Variants in SLC30A7 observed in about 807,000 individuals in gnomAD.
The protein encoded by SLC30A7 is zinc transporter 7.
SLC30A7 carries 35 observed loss-of-function variants against 46.0 expected under a neutral mutation model. The observed-to-expected ratio is 0.76, with a 90% CI of 0.58 to 1.01. The LOEUF is 1.01. Among genes scored for constraint, SLC30A7 ranks in the 50% least tolerant of loss-of-function variants. The probability of loss-of-function intolerance (pLI) is 0.00; values close to 1 mark genes in which losing one functional copy is unlikely to be tolerated. For synonymous variants in SLC30A7, 147 were observed against 157.8 expected, an observed-to-expected ratio of 0.93 and a Z score of 0.51; for missense variants, 464 against 451.1, an observed-to-expected ratio of 1.03 and a Z score of -0.26.
At chr1:100,905,297 T>A (rs1275681477) in intron 2 of SLC30A7, among the ~76,000 whole-genome samples, 1 of 152,084 alleles carries the variant, frequency 6.6e-6, no homozygotes. Context: ...TTTATTTTTT[T>A]AATTTAATTT....
chr1:100,970,004 T>TA (rs1472646283), intron 10 of SLC30A7, among the ~76,000 whole-genome samples: 1 of 152,236 alleles, frequency 6.6e-6, no homozygotes, highest in East Asian at 1.9e-4. Flanking sequence ...AATTTAAATT[T>TA]AAAAAAAATT....
chr1:100,995,032 T>C, the SLC30A7 span: 23 of 1,013,150 alleles, frequency 2.3e-5, no homozygotes, highest in Admixed American at 9.7e-5. Flanking sequence ...TCTTTAGAAC[T>C]CAGGTCATTT....
chr1:100,983,526 G>A (rs1180393586), downstream of SLC30A7, among the ~76,000 whole-genome samples: 3 of 152,166 alleles, frequency 2.0e-5, no homozygotes, highest in African/African-American at 7.2e-5. Context: ...TGTAGGCAAG[G>A]CAATCAGTTT....
At position 100,952,141 on chromosome 1, in the gene SLC30A7, C is replaced by T. The variant is rs187908032; in HGVS notation, c.843-9687C>T. ...ACACCTTGATTTTAGCCCAATGGAACGTATTTTGGACTTCTGACCTCCAGA... is the reference window on the plus strand; with the variant it reads ...ACACCTTGATTTTAGCCCAATGGAATGTATTTTGGACTTCTGACCTCCAGA... On this transcript the variant is annotated intron_variant, in intron 8 of 10. Coordinates refer to ENST00000357650, the MANE Select transcript of SLC30A7 (RefSeq NM_133496.5). Among the ~76,000 whole-genome samples, 245 of 152,228 alleles carry T rather than the reference C, an allele frequency of 1.6e-3. 1 individual carries two copies. Among genetic ancestry groups the T allele is most frequent in the Middle Eastern group, 6.8e-3 (2 of 292 alleles).
At chr1:100,987,628 C>T in the SLC30A7 span, among the ~76,000 whole-genome samples, 455 of 150,406 alleles carry the variant, frequency 3.0e-3, 8 homozygotes, top group Admixed American at 0.027. Flanking sequence ...ATTCCACCAT[C>T]ATCTAGTTTA....
At chr1:100,992,723 T>G in the SLC30A7 span, 3 of 1,612,842 alleles carry the variant, frequency 1.9e-6, no homozygotes, top group Non-Finnish European at 2.5e-6. Context: ...CCGTGGAGGT[T>G]CATAGATCTT....
At chr1:100,942,359 A>C (rs558750082) in intron 8 of SLC30A7, among the ~76,000 whole-genome samples, 2 of 152,330 alleles carry the variant, frequency 1.3e-5, no homozygotes, top group African/African-American at 4.8e-5. Context: ...AAAAGAACAT[A>C]TCTGTAAAGT....
intron 8 of SLC30A7, among the ~76,000 whole-genome samples, chr1:100,931,774 T>TA (rs550009014): frequency 1.5e-3 from 233 of 152,344 alleles, no homozygotes; most frequent in African/African-American, 5.3e-3. Context: ...TGTTCTGAGA[T>TA]ACCATCTTCC....
At chr1:100,949,098 G>A (rs953819894) in intron 8 of SLC30A7, among the ~76,000 whole-genome samples, 1 of 152,200 alleles carries the variant, frequency 6.6e-6, no homozygotes, top group African/African-American at 2.4e-5. Context: ...TGGAGGAGAA[G>A]AGGCGCTCTG....
In SLC30A7 at chr1:100,896,696, G is replaced by C. The variant is rs116334092; in HGVS notation, c.182+25G>C. On this transcript the variant is annotated intron_variant, in intron 2 of 10. Coordinates refer to ENST00000357650, the MANE Select transcript of SLC30A7 (RefSeq NM_133496.5). ...GGTAACCAAAGGGGAAAATGGTTTG[G>C]GCGGAAGCTGGGTGTGAGGGAGACG... 1,561 of 1,598,384 alleles carry C rather than the reference G, an allele frequency of 9.8e-4. 16 individuals carry two copies. In the African/African-American group the frequency reaches 0.018, roughly 19 times the overall value.
chr1:100,952,730 G>A (rs554884780), intron 8 of SLC30A7, among the ~76,000 whole-genome samples: 1 of 152,274 alleles, frequency 6.6e-6, no homozygotes, highest in African/African-American at 2.4e-5. Context: ...TCATTTAAGA[G>A]GACAAAAGAT....
Position 100,981,316 on chromosome 1 carries a change from G to A in SLC30A7, c.*6459G>A, listed in dbSNP as rs928609099. 1 of 152,042 alleles carries A rather than the reference G, an allele frequency of 6.6e-6. No individual in the cohort carries two copies. Among genetic ancestry groups the A allele is most frequent in the Non-Finnish European group, 1.5e-5 (1 of 67,982 alleles). The allele number at this position is 152,042 out of a possible 1,614,324, so 9.4% of individuals were successfully genotyped here. A position where few individuals can be genotyped will look rare whatever the true frequency, so the allele number is the denominator to read the frequency against. On this transcript the variant is annotated 3_prime_UTR_variant, in exon 11 of 11. Transcript: ENST00000357650. ...CAAGTGATATTTTCCCCCAACTTTTGTGAGTTTGATAAATAGGATGAGTCT... is the reference window on the plus strand; with the variant it reads ...CAAGTGATATTTTCCCCCAACTTTTATGAGTTTGATAAATAGGATGAGTCT...
intron 8 of SLC30A7, among the ~76,000 whole-genome samples, chr1:100,949,477 C>A (rs536189315): frequency 6.6e-6 from 1 of 152,214 alleles, no homozygotes; most frequent in South Asian, 2.1e-4. Context: ...CAGGAACCCA[C>A]TTGAGGAGGC....
At chr1:100,961,131 T>C (rs1305987642) in intron 8 of SLC30A7, among the ~76,000 whole-genome samples, 2 of 151,634 alleles carry the variant, frequency 1.3e-5, no homozygotes, top group Non-Finnish European at 2.9e-5. Flanking sequence ...ATTTTTTTTT[T>C]TTTGTATTTT....
chr1:100,922,301 T>C (rs754078860), intron 8 of SLC30A7, among the ~76,000 whole-genome samples: 53 of 152,294 alleles, frequency 3.5e-4, no homozygotes, highest in Admixed American at 5.2e-4. Flanking sequence ...TTTCTGTGTT[T>C]GCCATGTATT....
At chr1:100,965,618 GTATT>G (rs1378614201) in intron 9 of SLC30A7, 147 bp from the exon 10 acceptor site, 71 of 667,338 alleles carry the variant, frequency 1.1e-4, no homozygotes, top group East Asian at 1.6e-4. Context: ...GTACTCAAGA[GTATT>G]TATTTATTTA....
chr1:100,990,753 C>A, the SLC30A7 span: 1 of 877,744 alleles, frequency 1.1e-6, no homozygotes, highest in African/African-American at 1.7e-5. Context: ...ATCTCTTTTG[C>A]CACTTATGGA....
At chr1:100,950,053 G>C (rs1006430897) in intron 8 of SLC30A7, among the ~76,000 whole-genome samples, 5 of 152,166 alleles carry the variant, frequency 3.3e-5, no homozygotes, top group African/African-American at 7.2e-5. Flanking sequence ...AGATGAACCA[G>C]GTACTTCAGT....
intron 7 of SLC30A7, among the ~76,000 whole-genome samples, chr1:100,920,689 G>C (rs1442569830): frequency 2.6e-5 from 4 of 151,854 alleles, no homozygotes; most frequent in Admixed American, 6.5e-5. Context: ...CATTTCTTGA[G>C]TTTGTTTGTA....
Sources: gnomAD v4.1 joint callset for allele counts (sites outside exome capture counted in the v4.1 genomes callset) on GRCh38, gnomAD v4.1.1 for gene constraint, MANE v1.5 for transcripts, NCBI Gene and HGNC (gene_info 2026-07-23, HGNC 2026-07-21) for gene names.